The following ING5 variants were observed in gnomAD, a reference collection of about 807,000 sequenced individuals.
ING5 encodes inhibitor of growth protein 5.
In ING5, 17 loss-of-function variants were observed where a neutral mutation model predicts 37.4. The observed-to-expected ratio is 0.45, with a 90% CI of 0.31 to 0.68. ING5 has a LOEUF of 0.68. ING5 is among the 30% of genes least tolerant of loss of function. The pLI, the probability that ING5 is intolerant of heterozygous loss-of-function variation, is 0.05. For synonymous variants in ING5, 123 were observed against 116.6 expected, an observed-to-expected ratio of 1.06 and a Z score of -0.36; for missense variants, 233 against 311.9, an observed-to-expected ratio of 0.75 and a Z score of 1.91.
chr2:241,704,670 T>C lies in ING5; in HGVS notation c.55T>C (p.Cys19Arg). The C allele has an allele frequency of 6.2e-7, 1 of 1,614,162 alleles. No homozygotes were observed. Among genetic ancestry groups the C allele is most frequent in the Non-Finnish European group, 8.5e-7 (1 of 1,180,000 alleles). ...CGTTTCAGGTATCGAGAACCTTCCC[T>C]GCGAACTTCAGAGGAACTTCCAGCT... ...HYLDSIENLP[C>R]ELQRNFQLMR... Residue 19 changes from cysteine (C) to arginine (R), a missense_variant, in exon 2 of 8, where the codon TGC (cysteine) becomes CGC (arginine). Coordinates refer to ENST00000313552, the MANE Select transcript of ING5 (RefSeq NM_032329.6).
chr2:241,688,372 C>T (rs1268650544), intron 1 of ING5, among the ~76,000 whole-genome samples: 1 of 152,190 alleles, frequency 6.6e-6, no homozygotes, highest in Non-Finnish European at 1.5e-5. Flanking sequence ...GTTGAGTTTG[C>T]ATTGGTTTTT....
chr2:241,709,111 C>T, intron 2 of ING5, 105 bp from the exon 3 acceptor site: 1 of 1,241,602 alleles, frequency 8.1e-7, no homozygotes, highest in Admixed American at 2.1e-5. Flanking sequence ...TGTCAGCCTA[C>T]ATCTTTGCCA....
intron 1 of ING5, among the ~76,000 whole-genome samples, chr2:241,688,861 C>T (rs2069501049): frequency 6.6e-6 from 1 of 151,974 alleles, no homozygotes; most frequent in African/African-American, 2.4e-5. Context: ...TGCAGTGGCG[C>T]AATCTTGGCT....
intron 2 of ING5, among the ~76,000 whole-genome samples, chr2:241,696,026 A>G (rs1165719882): frequency 6.6e-6 from 1 of 152,118 alleles, no homozygotes; most frequent in Non-Finnish European, 1.5e-5. Context: ...TGAGCCCAGG[A>G]GGTCAAGCTG....
chr2:241,690,548 G>A (rs537112828), exon 2 of ING5: 85 of 398,434 alleles, frequency 2.1e-4, no homozygotes, highest in African/African-American at 1.7e-3. Context: ...TGAGCATCCA[G>A]TGTCCTTCGT....
At position 241,723,201 on chromosome 2, in the gene ING5, A is replaced by G. The variant is rs2124953229; in HGVS notation, c.619-9A>G. 6.2e-7 allele frequency: 1 copy of G among 1,614,146 alleles called. No individual in the cohort carries two copies. The highest frequency in any genetic ancestry group is 8.5e-7 in the Non-Finnish European group (1 of 1,180,000). On this transcript the variant is annotated splice_polypyrimidine_tract_variant and intron_variant, in intron 6 of 7. Transcript: ENST00000313552. The stretch of plus-strand genomic sequence containing the variant: ...CGTGTTGACTGCGGTTTCTCCCTTT[A>G]CTTTGCAGTGTCCAATTGAGTGGTT...
chr2:241,697,991 G>A (rs1056999604), upstream of ING5, among the ~76,000 whole-genome samples: 1 of 150,844 alleles, frequency 6.6e-6, no homozygotes, highest in Non-Finnish European at 1.5e-5. Flanking sequence ...GCTGAGGCAG[G>A]AGAATGGCTG....
intron 7 of ING5, 78 bp downstream of exon 7, chr2:241,723,349 T>C: frequency 2.1e-6 from 3 of 1,432,704 alleles, no homozygotes; most frequent in Non-Finnish European, 3.0e-6. Flanking sequence ...GAGAAGGTGC[T>C]CCATGGCAGA....
chr2:241,689,260 C>T (rs964063441), intron 1 of ING5, among the ~76,000 whole-genome samples: 1 of 151,990 alleles, frequency 6.6e-6, no homozygotes, highest in Non-Finnish European at 1.5e-5. Context: ...TTACAGGCAC[C>T]TGCCACCACG....
intron 2 of ING5, among the ~76,000 whole-genome samples, chr2:241,690,956 C>G (rs539858594): frequency 4.0e-4 from 60 of 151,470 alleles, no homozygotes; most frequent in Non-Finnish European, 8.4e-4. Flanking sequence ...TACAGGCGCC[C>G]GCCACAACAC....
chr2:241,728,665 C>T lies in ING5; in HGVS notation c.*3634C>T, dbSNP rs1691712102. 6.6e-6 allele frequency: 1 copy of T among 152,332 alleles called. No individual in the cohort carries two copies. The highest frequency in any genetic ancestry group is 2.4e-5 in the African/African-American group (1 of 41,438). 9.4% of individuals were successfully genotyped at this position (152,332 alleles called of 1,614,324 possible). A position where few individuals can be genotyped will look rare whatever the true frequency, so the allele number is the denominator to read the frequency against. On this transcript the variant is annotated 3_prime_UTR_variant, in exon 8 of 8. Transcript: ENST00000313552. ...GAGGCCTGCGTGGCCTCCTGAGCAG[C>T]AGCTGACCGCCCGTCTCATGCTGGA...
intron 5 of ING5, 33 bp downstream of exon 5, chr2:241,712,104 A>G: frequency 6.7e-7 from 1 of 1,490,342 alleles, no homozygotes; most frequent in Non-Finnish European, 9.2e-7. Context: ...TCCCAAAAGA[A>G]CGAATACCCA....
Position 241,691,330 on chromosome 2 carries a change from T to G in ING5, c.43+677T>G, listed in dbSNP as rs112428892. On this transcript the variant is annotated intron_variant, in intron 2 of 7. Transcript: ENST00000636051. The stretch of plus-strand genomic sequence containing the variant: ...GGCACATGCCTGTAATCCCAGCTAC[T>G]TGGGAGGTTGAGACAGGAGAATCAC... Among the ~76,000 whole-genome samples, 300 of 151,946 alleles carry G rather than the reference T, an allele frequency of 2.0e-3. 2 individuals carry two copies. The highest frequency in any genetic ancestry group is 3.5e-3 in the Non-Finnish European group (241 of 67,964).
In ING5 at chr2:241,724,976, T is replaced by A. The variant is rs1413418888; in HGVS notation, c.681-13T>A. 8 of 1,613,778 alleles carry A rather than the reference T, an allele frequency of 5.0e-6. No homozygotes were observed. The highest frequency in any genetic ancestry group is 6.8e-6 in the Non-Finnish European group (8 of 1,179,866). ...ATGGCGCCCAGGGCCTCACTGCGCCTTTCTTGTCACAGGTTCTGTCCACGG... is the reference window on the plus strand; with the variant it reads ...ATGGCGCCCAGGGCCTCACTGCGCCATTCTTGTCACAGGTTCTGTCCACGG... On this transcript the variant is annotated splice_polypyrimidine_tract_variant and intron_variant, in intron 7 of 7. Transcript: ENST00000313552.
chr2:241,709,808 T>C (rs1395091029), intron 3 of ING5, among the ~76,000 whole-genome samples: 1 of 152,074 alleles, frequency 6.6e-6, no homozygotes, highest in African/African-American at 2.4e-5. Flanking sequence ...GGTTTCACCC[T>C]GTTGGCCATG....
chr2:241,692,480 T>A (rs991121080), intron 2 of ING5, among the ~76,000 whole-genome samples: 13 of 151,146 alleles, frequency 8.6e-5, no homozygotes, highest in Non-Finnish European at 8.9e-5. Flanking sequence ...TTTTTTTTTT[T>A]AAATACTGAC....
intron 2 of ING5, among the ~76,000 whole-genome samples, chr2:241,708,919 CA>C (rs780113601): frequency 1.3e-5 from 2 of 152,174 alleles, no homozygotes; most frequent in Non-Finnish European, 2.9e-5. Flanking sequence ...AAGGTGGCTA[CA>C]AGTTATTCAT....
chr2:241,711,108 G>A (rs1022073241), intron 3 of ING5, among the ~76,000 whole-genome samples: 1 of 152,158 alleles, frequency 6.6e-6, no homozygotes, highest in African/African-American at 2.4e-5. Flanking sequence ...CTTGTTCACT[G>A]CATTTCACAA....
chr2:241,720,314 C>T (rs1031593369), intron 5 of ING5: 90 of 1,221,778 alleles, frequency 7.4e-5, no homozygotes, highest in South Asian at 1.3e-4. Flanking sequence ...GGTGCCAGGC[C>T]GCTCTGCCTC....
Sources: allele counts gnomAD v4.1 joint callset (sites outside exome capture counted in the v4.1 genomes callset), GRCh38; gene constraint gnomAD v4.1.1; transcripts MANE v1.5; gene names NCBI Gene and HGNC (gene_info 2026-07-23, HGNC 2026-07-21).